MADD: variants seen among roughly 807,000 people sequenced by gnomAD.
The protein encoded by MADD is MAP kinase-activating death domain protein.
A neutral mutation model predicts 176.7 loss-of-function variants in MADD; 109 were observed. That is an observed-to-expected ratio of 0.62 (90% CI 0.53 to 0.72). MADD has a LOEUF of 0.72. Ranked by LOEUF, MADD falls within the 30% of genes least tolerant of loss-of-function variation. The probability of loss-of-function intolerance (pLI) is 0.00; values close to 1 mark genes in which losing one functional copy is unlikely to be tolerated. For missense variants in MADD, 1,914 were observed against 2,045.5 expected (o/e 0.94, Z 1.24); for synonymous variants, 771 against 771.3 (o/e 1.00, Z 0.01).
chr11:47,327,975 G>T (rs778444212), intron 31 of MADD: 118 of 985,164 alleles, frequency 1.2e-4, no homozygotes, highest in Non-Finnish European at 1.4e-4. Context: ...TATTTTGCCT[G>T]ATGCTCCCTG....
chr11:47,271,499 G>A (rs1051740065), intron 1 of MADD, among the ~76,000 whole-genome samples: 4 of 152,150 alleles, frequency 2.6e-5, no homozygotes, highest in African/African-American at 7.2e-5. Flanking sequence ...CTTGAGTTTC[G>A]TCAGATAGTT....
At chr11:47,271,726 T>G (rs1964118666) in intron 1 of MADD, among the ~76,000 whole-genome samples, 8 of 149,574 alleles carry the variant, frequency 5.3e-5, no homozygotes, top group Admixed American at 5.3e-4. Flanking sequence ...TTCTACATAA[T>G]TCTTTTTTTT....
exon 2 of MADD, chr11:47,273,957 C>A: frequency 6.2e-7 from 1 of 1,614,028 alleles, no homozygotes; most frequent in South Asian, 1.1e-5. Flanking sequence ...ACTTGACTAT[C>A]TAGTGATCGT....
At chr11:47,301,046 A>G (rs1282701023) in intron 22 of MADD, among the ~76,000 whole-genome samples, 2 of 121,188 alleles carry the variant, frequency 1.7e-5, no homozygotes, top group African/African-American at 3.1e-5. Flanking sequence ...TTTTTTGGTT[A>G]GTCTAGCTCT....
chr11:47,274,483 C>G, intron 2 of MADD, 80 bp from the exon 3 acceptor site: 1 of 1,161,464 alleles, frequency 8.6e-7, no homozygotes. Flanking sequence ...GCATCTTGAG[C>G]TTTATTTGTT....
At chr11:47,312,593 G>A (rs1404261486) in intron 26 of MADD, among the ~76,000 whole-genome samples, 1 of 152,028 alleles carries the variant, frequency 6.6e-6, no homozygotes, top group Admixed American at 6.6e-5. Context: ...GCACCACCAC[G>A]CCCAGCTAAT....
intron 10 of MADD, 121 bp downstream of exon 10, chr11:47,283,090 T>A (rs1592232947): frequency 3.6e-6 from 3 of 827,090 alleles, no homozygotes; most frequent in African/African-American, 1.8e-5. Flanking sequence ...AATTTTATTT[T>A]ATTTTATTTA....
chr11:47,278,099 C>A, intron 5 of MADD, 66 bp from the exon 6 acceptor site: 2 of 1,050,638 alleles, frequency 1.9e-6, no homozygotes, highest in Non-Finnish European at 3.0e-6. Context: ...CTAGAAGAAT[C>A]CAGACTTGAT....
intron 22 of MADD, among the ~76,000 whole-genome samples, chr11:47,308,143 G>A (rs2084639374): frequency 6.6e-6 from 1 of 152,224 alleles, no homozygotes; most frequent in Non-Finnish European, 1.5e-5. Flanking sequence ...TTCTTGTAAA[G>A]TAGTCCTATG....
At chr11:47,292,988 C>T (rs531849751) in intron 19 of MADD, among the ~76,000 whole-genome samples, 1 of 152,104 alleles carries the variant, frequency 6.6e-6, no homozygotes, top group Non-Finnish European at 1.5e-5. Context: ...CTGCCCCACT[C>T]TCTGGTGGCT....
intron 22 of MADD, among the ~76,000 whole-genome samples, chr11:47,304,774 A>G (rs1372750054): frequency 6.6e-6 from 1 of 151,980 alleles, no homozygotes; most frequent in Admixed American, 6.6e-5. Flanking sequence ...CCAAAGAGTT[A>G]TTATGTTCCT....
intron 31 of MADD, 98 bp downstream of exon 35, chr11:47,326,905 C>G: frequency 6.4e-7 from 1 of 1,559,552 alleles, no homozygotes; most frequent in Non-Finnish European, 8.7e-7. Flanking sequence ...GAAGAAGAAC[C>G]TCTGTAGAGA....
At chr11:47,296,916 A>C (rs1326214001) in intron 22 of MADD, among the ~76,000 whole-genome samples, 2 of 151,950 alleles carry the variant, frequency 1.3e-5, no homozygotes, top group Non-Finnish European at 2.9e-5. Flanking sequence ...CTGGGACTGC[A>C]GGCATACACC....
chr11:47,326,881 T>C (rs1057317297), intron 31 of MADD, 74 bp downstream of exon 35: 16 of 1,591,556 alleles, frequency 1.0e-5, no homozygotes, highest in Admixed American at 9.0e-5. Context: ...CAGAGGAGGG[T>C]CTAGGGGCAG....
chr11:47,316,236 A>G (rs190754678), intron 27 of MADD, among the ~76,000 whole-genome samples: 1 of 152,248 alleles, frequency 6.6e-6, no homozygotes, highest in Non-Finnish European at 1.5e-5. Flanking sequence ...CATAAATCAG[A>G]ATAACAGAAA....
rs1402413143 is a variant in MADD at position 47,276,762 on chromosome 11, C to T, written c.994C>T (p.Leu332Phe). The change falls in exon 5 of 33, where the codon CTC becomes TTC. Residue 332 changes from leucine (L) to phenylalanine (F), a missense_variant. This residue lies in a region of MADD where 1,767 missense variants were observed against 1,836.0 expected (regional missense o/e 0.96). Transcript: ENST00000402192. ...GCTACAGTCCCGAGACTACAATGCA[C>T]TCTCCATGTCTGTGATGGCATTCGT... 1.2e-6 allele frequency: 2 copies of T among 1,614,082 alleles called. No homozygotes were observed. The highest frequency in any genetic ancestry group is 1.3e-5 in the African/African-American group (1 of 74,932).
chr11:47,283,585 T>A (rs1316180623), intron 10 of MADD, among the ~76,000 whole-genome samples: 5 of 152,056 alleles, frequency 3.3e-5, no homozygotes, highest in Admixed American at 6.5e-5. Flanking sequence ...ATATATATAT[T>A]TTTTGAGATG....
chr11:47,290,471 C>T (rs1165465529), intron 18 of MADD, 139 bp from the exon 20 acceptor site: 18 of 1,256,706 alleles, frequency 1.4e-5, no homozygotes, highest in Admixed American at 2.6e-5. Context: ...TTCTTTGTTA[C>T]GAAAAATAAG....
Position 47,325,906 on chromosome 11 carries a change from G to A in MADD, c.4543-832G>A, listed in dbSNP as rs2095407260. 6.6e-6 allele frequency among the ~76,000 whole-genome samples: 1 copy of A among 152,228 alleles called. No homozygotes were observed. Among genetic ancestry groups the A allele is most frequent in the African/African-American group, 2.4e-5 (1 of 41,462 alleles). On this transcript the variant is annotated intron_variant, in intron 30 of 32. Coordinates refer to ENST00000402192, the Ensembl canonical transcript of MADD. The surrounding 1 kb of genome is among the most constrained non-coding windows in gnomAD (Gnocchi z 4.5). ...TGCAGAGAAGGGGAGGAAAGCCCGG[G>A]TTCTCAATCTCACCTCACAGTTAGT... is the stretch of plus-strand genomic sequence containing the variant.
Sources: gnomAD v4.1 joint callset for allele counts (sites outside exome capture counted in the v4.1 genomes callset) on GRCh38, gnomAD v4.1.1 for gene constraint, gnomAD v4.1.1 regional missense constraint, Gnocchi (gnomAD v3.1) non-coding constraint, MANE v1.5 for transcripts, NCBI Gene and HGNC (gene_info 2026-07-23, HGNC 2026-07-21) for gene names.